PTPRS: variants seen among roughly 807,000 people sequenced by gnomAD.
PTPRS encodes protein tyrosine phosphatase receptor type S.
Under a neutral mutation model 215.3 loss-of-function variants are expected in PTPRS, and 63 were observed. That is an observed-to-expected ratio of 0.29 (90% CI 0.24 to 0.36). The LOEUF (loss-of-function observed/expected upper bound fraction) is 0.36, where lower values mean the gene tolerates loss of function less well. Among genes scored for constraint, PTPRS ranks in the 10% least tolerant of loss-of-function variants. PTPRS has a pLI of 1.00. For missense variants in PTPRS, 2,258 were observed against 2,825.8 expected, an observed-to-expected ratio of 0.80 and a Z score of 4.56; for synonymous variants, 1,404 against 1,191.4, an observed-to-expected ratio of 1.18 and a Z score of -3.68.
chr19:5,316,705 T>C (rs2049886330), intron 1 of PTPRS, among the ~76,000 whole-genome samples: 1 of 152,178 alleles, frequency 6.6e-6, no homozygotes, highest in Non-Finnish European at 1.5e-5. Context: ...ATTTTCGTAT[T>C]TTTAATGGAG....
chr19:5,233,235 T>A (rs1391482871), intron 13 of PTPRS, among the ~76,000 whole-genome samples: 1 of 150,660 alleles, frequency 6.6e-6, no homozygotes. Flanking sequence ...GCAACAGAGC[T>A]CTATTAGACA....
chr19:5,246,688 C>G (rs2044516336), intron 9 of PTPRS, among the ~76,000 whole-genome samples: 1 of 152,190 alleles, frequency 6.6e-6, no homozygotes, highest in East Asian at 1.9e-4. Context: ...AGATGTCAGT[C>G]CCCCACTCCC....
intron 16 of PTPRS, among the ~76,000 whole-genome samples, chr19:5,228,691 A>G (rs537544965): frequency 6.6e-6 from 1 of 152,272 alleles, no homozygotes. Flanking sequence ...CTCAGCAGAG[A>G]CTGGTACTCC....
Position 5,256,104 on chromosome 19 carries a change from C to A in PTPRS, c.718+4G>T. 1 of 1,522,176 alleles carries A rather than the reference C, an allele frequency of 6.6e-7. No homozygotes were observed. Among genetic ancestry groups the A allele is most frequent in the Non-Finnish European group, 9.1e-7 (1 of 1,100,318 alleles). 94.3% of individuals were successfully genotyped at this position (1,522,176 alleles called of 1,614,324 possible). On this transcript the variant is annotated splice_donor_region_variant and intron_variant, in intron 9 of 37. Transcript: ENST00000262963. ...GAAAGTAAAAAAGAAAAAAACACAC[C>A]AACCTTCTCGAAGCTCTGAGGGATG...
intron 4 of PTPRS, among the ~76,000 whole-genome samples, chr19:5,268,641 T>G (rs1033546660): frequency 5.9e-5 from 9 of 152,164 alleles, no homozygotes; most frequent in African/African-American, 2.2e-4. Context: ...GGTCACTGCT[T>G]GGATGGGAAA....
intron 4 of PTPRS, among the ~76,000 whole-genome samples, chr19:5,268,446 G>A (rs757272123): frequency 2.6e-5 from 4 of 151,998 alleles, no homozygotes; most frequent in Non-Finnish European, 4.4e-5. Flanking sequence ...GCTCAGGGGT[G>A]GGTGGCCGTG....
intron 35 of PTPRS, among the ~76,000 whole-genome samples, chr19:5,209,636 G>A (rs2040682458): frequency 6.6e-6 from 1 of 152,010 alleles, no homozygotes; most frequent in African/African-American, 2.4e-5. Flanking sequence ...ACCCCCTGCT[G>A]GCCAAACATT....
At chr19:5,219,052 G>A in intron 23 of PTPRS, 1 of 637,152 alleles carries the variant, frequency 1.6e-6, no homozygotes, top group South Asian at 2.0e-5. Flanking sequence ...ACTGGACACA[G>A]GCAGCCTCTA....
At chr19:5,236,885 C>G (rs143446711) in intron 13 of PTPRS, among the ~76,000 whole-genome samples, 1,859 of 147,366 alleles carry the variant, frequency 0.013, 22 homozygotes, top group Non-Finnish European at 0.019. Flanking sequence ...AGGAATGTGT[C>G]GGAAGGAATG....
chr19:5,276,729 G>A (rs1211788088), intron 2 of PTPRS, among the ~76,000 whole-genome samples: 1 of 151,642 alleles, frequency 6.6e-6, no homozygotes. Flanking sequence ...TTTTAGTAGA[G>A]ATGGGGGTTT....
At chr19:5,329,697 G>A (rs2050263694) in intron 1 of PTPRS, among the ~76,000 whole-genome samples, 1 of 151,852 alleles carries the variant, frequency 6.6e-6, no homozygotes. Context: ...CCCGGGAGGT[G>A]GAGCTGGCAG....
intron 1 of PTPRS, among the ~76,000 whole-genome samples, chr19:5,319,083 T>C (rs1423571375): frequency 6.6e-6 from 1 of 151,148 alleles, no homozygotes; most frequent in Non-Finnish European, 1.5e-5. Flanking sequence ...ACCCCAGACA[T>C]GGAAAGAAAA....
intron 29 of PTPRS, 31 bp downstream of exon 29, chr19:5,214,530 G>C (rs1371479395): frequency 1.2e-6 from 2 of 1,612,056 alleles, no homozygotes; most frequent in African/African-American, 1.3e-5. Context: ...TGACTGGCAG[G>C]GGCTTGAGGG....
chr19:5,307,323 A>G (rs746575509), intron 1 of PTPRS, among the ~76,000 whole-genome samples: 3 of 142,310 alleles, frequency 2.1e-5, no homozygotes, highest in Non-Finnish European at 4.8e-5. Flanking sequence ...ATATAAATAC[A>G]TAAATGAATG....
Position 5,208,286 on chromosome 19 carries a change from T to C in PTPRS, c.5593A>G (p.Lys1865Glu). Residue 1865 changes from lysine to glutamate, a missense_variant, in exon 36 of 38, where the codon AAG becomes GAG. Transcript: ENST00000262963. ...TCCTGGCCAAACTGCTCCTTAGTCT[T>C]ATGCACTTGGCCAATGAAGTCGATG... ...GFIDFIGQVH[K>E]TKEQFGQDGP... 6.2e-7 allele frequency: 1 copy of C among 1,613,804 alleles called. No individual in the cohort carries two copies. Among genetic ancestry groups the C allele is most frequent in the Non-Finnish European group, 8.5e-7 (1 of 1,179,826 alleles).
chr19:5,265,135 C>T lies in PTPRS; in HGVS notation c.441G>A (p.Glu147=). 3 of 1,614,168 alleles carry T rather than the reference C, an allele frequency of 1.9e-6. No homozygotes were observed. Among genetic ancestry groups the T allele is most frequent in the Non-Finnish European group, 1.7e-6 (2 of 1,180,030 alleles). Residue 147 remains glutamate (E), a synonymous_variant, in exon 5 of 38, where the codon GAG becomes GAA. Transcript: ENST00000262963. ...IDMGPQLKVV[E]RTRTATMLCA... ...AGAGCATGGTGGCTGTCCGTGTCCG[C>T]TCCACCACCTTCAACTGTGGGCCCA...
Position 5,219,486 on chromosome 19 carries a change from G to A in PTPRS, c.3766-19C>T. 1 of 1,547,900 alleles carries A rather than the reference G, an allele frequency of 6.5e-7. No homozygotes were observed. The highest frequency in any genetic ancestry group is 8.7e-7 in the Non-Finnish European group (1 of 1,151,084). On this transcript the variant is annotated intron_variant, in intron 22 of 37. Transcript: ENST00000262963. Reference sequence around the variant, plus strand: ...CAAAGGTCTGCAGGGAAAGGAGGGGGGTCTCCATCAGTGTCCACCCTCCTT... The same window carrying A: ...CAAAGGTCTGCAGGGAAAGGAGGGGAGTCTCCATCAGTGTCCACCCTCCTT...
chr19:5,340,548 G>C (rs1275389955), intron 1 of PTPRS, 116 bp downstream of exon 1: 2 of 151,422 alleles, frequency 1.3e-5, no homozygotes, highest in Non-Finnish European at 2.9e-5. Flanking sequence ...GGCCGTGCAG[G>C]CTTCCCCGGC....
chr19:5,281,334 G>A (rs1467898078), intron 2 of PTPRS, among the ~76,000 whole-genome samples: 1 of 152,112 alleles, frequency 6.6e-6, no homozygotes, highest in Non-Finnish European at 1.5e-5. Flanking sequence ...GGTGGCGCAT[G>A]CCTGTAATCC....
Sources: allele counts gnomAD v4.1 joint callset (sites outside exome capture counted in the v4.1 genomes callset), GRCh38; gene constraint gnomAD v4.1.1; transcripts MANE v1.5; gene names NCBI Gene and HGNC (gene_info 2026-07-23, HGNC 2026-07-21).